The following RBL1 variants were observed in gnomAD, a reference collection of about 807,000 sequenced individuals.
The protein encoded by RBL1 is RB transcriptional corepressor like 1.
A neutral mutation model predicts 123.0 loss-of-function variants in RBL1; 82 were observed. That is an observed-to-expected ratio of 0.67 (90% CI 0.56 to 0.80). The LOEUF is 0.80. Ranked by LOEUF, RBL1 falls within the 30% of genes least tolerant of loss-of-function variation. The pLI, the probability that RBL1 is intolerant of heterozygous loss-of-function variation, is 0.00. For synonymous variants in RBL1, 405 were observed against 441.3 expected (o/e 0.92, Z 1.03); for missense variants, 1,171 against 1,299.6 (o/e 0.90, Z 1.52).
intron 19 of RBL1, among the ~76,000 whole-genome samples, chr20:37,012,196 G>A (rs902818143): frequency 3.9e-5 from 6 of 152,348 alleles, no homozygotes; most frequent in Non-Finnish European, 7.3e-5. Context: ...GTGCAGTGGC[G>A]TGATCTCGGC....
chr20:37,004,488 G>A lies in RBL1; in HGVS notation c.2872-622C>T, dbSNP rs527832435. Among the ~76,000 whole-genome samples, 17 of 150,370 alleles carry A rather than the reference G, an allele frequency of 1.1e-4. No homozygotes were observed. The South Asian group carries it at 2.6e-3, about 23-fold the overall frequency. On this transcript the variant is annotated intron_variant, in intron 20 of 21. Transcript: ENST00000373664. Reference sequence around the variant, plus strand: ...AGCACTTTGGGAGGCTGAGATGGGCGGATCACCTGAGGTCAGGAGTTTGAG... The same window carrying A: ...AGCACTTTGGGAGGCTGAGATGGGCAGATCACCTGAGGTCAGGAGTTTGAG...
chr20:37,093,525 G>C (rs2065680796), intron 1 of RBL1, among the ~76,000 whole-genome samples: 1 of 152,098 alleles, frequency 6.6e-6, no homozygotes, highest in African/African-American at 2.4e-5. Flanking sequence ...TATAGTCCCA[G>C]CTACTGGGGA....
intron 19 of RBL1, among the ~76,000 whole-genome samples, chr20:37,014,446 T>C (rs1298306074): frequency 6.6e-6 from 1 of 152,144 alleles, no homozygotes; most frequent in Non-Finnish European, 1.5e-5. Context: ...CCACCACCAC[T>C]GTACAGGATC....
At chr20:37,032,573 T>C in intron 16 of RBL1, 92 bp downstream of exon 16, 1 of 1,540,392 alleles carries the variant, frequency 6.5e-7, no homozygotes. Flanking sequence ...TTATGTATAT[T>C]AGAAAAAAAA....
chr20:37,059,767 TTC>T (rs2065064695), intron 9 of RBL1, among the ~76,000 whole-genome samples: 1 of 152,136 alleles, frequency 6.6e-6, no homozygotes, highest in African/African-American at 2.4e-5. Flanking sequence ...GTTTTGACTA[TTC>T]TCTTATTTTA....
chr20:37,051,087 A>G (rs1246915627), intron 11 of RBL1, among the ~76,000 whole-genome samples: 1 of 152,052 alleles, frequency 6.6e-6, no homozygotes, highest in African/African-American at 2.4e-5. Context: ...TCACAGTGCA[A>G]TCATACTACA....
At chr20:37,016,726 A>G (rs1246333156) in intron 19 of RBL1, among the ~76,000 whole-genome samples, 1 of 151,928 alleles carries the variant, frequency 6.6e-6, no homozygotes, top group East Asian at 1.9e-4. Flanking sequence ...CAGGAGTTGG[A>G]GACCAGCCTG....
chr20:37,055,347 G>A (rs985935471), intron 11 of RBL1, among the ~76,000 whole-genome samples: 1 of 146,356 alleles, frequency 6.8e-6, no homozygotes, highest in African/African-American at 2.5e-5. Flanking sequence ...AAAAAACACT[G>A]ATGTGTACCA....
At chr20:37,050,693 C>T (rs1284295084) in intron 11 of RBL1, among the ~76,000 whole-genome samples, 5 of 150,488 alleles carry the variant, frequency 3.3e-5, no homozygotes, top group African/African-American at 1.2e-4. Flanking sequence ...AATGTACCAT[C>T]TAAGAAATAA....
chr20:37,094,845 C>T (rs1386970554), intron 1 of RBL1, among the ~76,000 whole-genome samples: 1 of 152,120 alleles, frequency 6.6e-6, no homozygotes, highest in African/African-American at 2.4e-5. Flanking sequence ...GCCGTGTTGC[C>T]CAGGTTAGTC....
intron 20 of RBL1, among the ~76,000 whole-genome samples, chr20:37,006,268 T>C (rs1243373257): frequency 6.6e-6 from 1 of 150,382 alleles, no homozygotes; most frequent in Non-Finnish European, 1.5e-5. Context: ...TGGCGCGATC[T>C]CTGCTCACTG....
rs777827414 is a variant in RBL1 at position 37,013,858 on chromosome 20, AACTT to A, written c.2722+4417_2722+4420del. 7.2e-5 allele frequency among the ~76,000 whole-genome samples: 11 copies of A among 152,262 alleles called. No homozygotes were observed. The East Asian group carries it at 1.2e-3, about 16-fold the overall frequency. ...GTCAGACATAGAACTGGGATATATG[AACTT>A]ACTGCATAGGATATATAAATTGTGT... On this transcript the variant is annotated intron_variant, in intron 19 of 21. Coordinates refer to ENST00000373664, the MANE Select transcript of RBL1 (RefSeq NM_002895.5).
At chr20:37,059,664 A>G (rs941492743) in intron 9 of RBL1, among the ~76,000 whole-genome samples, 1 of 152,180 alleles carries the variant, frequency 6.6e-6, no homozygotes, top group Admixed American at 6.5e-5. Context: ...GAATACCAGA[A>G]TCATGAATTT....
chr20:37,015,297 T>C (rs183878754), intron 19 of RBL1, among the ~76,000 whole-genome samples: 56 of 152,294 alleles, frequency 3.7e-4, no homozygotes, highest in African/African-American at 1.2e-3. Context: ...TAGTTTCTCA[T>C]AGAAAAAACA....
chr20:36,997,777 A>G lies in RBL1; in HGVS notation c.*982T>C, dbSNP rs367675870. ...AGTTAATGTCACAGAAACCAAAATG[A>G]TAATAGTTTACAAAAGAAGAAAGTG... On this transcript the variant is annotated 3_prime_UTR_variant, in exon 22 of 22. Transcript: ENST00000373664. 2 of 152,186 alleles carry G rather than the reference A, an allele frequency of 1.3e-5. No homozygotes were observed. Among genetic ancestry groups the G allele is most frequent in the Non-Finnish European group, 2.9e-5 (2 of 68,040 alleles). 9.4% of individuals were successfully genotyped at this position (152,186 alleles called of 1,614,324 possible).
intron 19 of RBL1, among the ~76,000 whole-genome samples, chr20:37,016,651 G>A (rs1266004976): frequency 6.6e-6 from 1 of 152,094 alleles, no homozygotes. Context: ...ACCTGGCCAG[G>A]CATGGTGGCT....
intron 14 of RBL1, 59 bp downstream of exon 14, chr20:37,040,094 T>A: frequency 6.3e-7 from 1 of 1,597,346 alleles, no homozygotes; most frequent in South Asian, 1.1e-5. Context: ...AAATTTTCCC[T>A]GAAAAAAAGC....
At chr20:37,049,700 ATAAC>A (rs1209068010) in intron 11 of RBL1, 26 of 730,478 alleles carry the variant, frequency 3.6e-5, no homozygotes, top group East Asian at 1.2e-4. Flanking sequence ...AAACCAGAAG[ATAAC>A]TAACTGTGTA....
chr20:37,059,000 C>T (rs1171195818), intron 9 of RBL1, among the ~76,000 whole-genome samples: 1 of 152,302 alleles, frequency 6.6e-6, no homozygotes, highest in Non-Finnish European at 1.5e-5. Context: ...TCCCAAAGTG[C>T]TGCAATTACA....
Sources: allele counts gnomAD v4.1 joint callset (sites outside exome capture counted in the v4.1 genomes callset), GRCh38; gene constraint gnomAD v4.1.1; transcripts MANE v1.5; gene names NCBI Gene and HGNC (gene_info 2026-07-23, HGNC 2026-07-21).